ANKRD28: variants seen among roughly 807,000 people sequenced by gnomAD.
ANKRD28 encodes serine/threonine-protein phosphatase 6 regulatory ankyrin repeat subunit A.
A neutral mutation model predicts 126.5 loss-of-function variants in ANKRD28; 44 were observed. That is an observed-to-expected ratio of 0.35 (90% CI 0.27 to 0.45). ANKRD28 has a LOEUF of 0.45. Among genes scored for constraint, ANKRD28 ranks in the 20% least tolerant of loss-of-function variants. The probability of loss-of-function intolerance (pLI) is 1.00; values close to 1 mark genes in which losing one functional copy is unlikely to be tolerated. For synonymous variants in ANKRD28, 442 were observed against 468.5 expected (o/e 0.94, Z 0.73); for missense variants, 1,110 against 1,316.6 (o/e 0.84, Z 2.43).
intron 3 of ANKRD28, among the ~76,000 whole-genome samples, chr3:15,757,989 T>TA (rs1403118368): frequency 6.6e-6 from 1 of 152,214 alleles, no homozygotes; most frequent in East Asian, 1.9e-4. Flanking sequence ...CCAGAGTCTG[T>TA]ATGGCCTGTA....
In ANKRD28 at chr3:15,668,767, C is replaced by G. The variant is rs980765267; in HGVS notation, c.*1503G>C. On this transcript the variant is annotated 3_prime_UTR_variant, in exon 28 of 28. Coordinates refer to ENST00000683139, the MANE Select transcript of ANKRD28 (RefSeq NM_001349278.2). ...CAAAATTATCAAATAGATCAAAATACTGTTCTGTGTTTTCACACTTTATAT... is the reference window on the plus strand; with the variant it reads ...CAAAATTATCAAATAGATCAAAATAGTGTTCTGTGTTTTCACACTTTATAT... 1.3e-5 allele frequency: 2 copies of G among 152,582 alleles called. No homozygotes were observed. Among genetic ancestry groups the G allele is most frequent in the African/African-American group, 2.4e-5 (1 of 41,450 alleles). The allele number at this position is 152,582 out of a possible 1,614,324, so 9.5% of individuals were successfully genotyped here.
chr3:15,714,532 G>GAAAAAAAAAA, intron 9 of ANKRD28, 46 bp downstream of exon 9: 1 of 1,083,680 alleles, frequency 9.2e-7, no homozygotes, highest in Non-Finnish European at 1.2e-6. Context: ...CTACATTTAA[G>GAAAAAAAAAA]AAAAAAAAAA....
intron 2 of ANKRD28, among the ~76,000 whole-genome samples, chr3:15,789,353 AT>A (rs1455217461): frequency 6.6e-6 from 1 of 152,082 alleles, no homozygotes; most frequent in Non-Finnish European, 1.5e-5. Flanking sequence ...TTGCTGGTGA[AT>A]TAGTTTAGAG....
At chr3:15,696,763 A>G (rs1223879525) in intron 14 of ANKRD28, among the ~76,000 whole-genome samples, 1 of 152,204 alleles carries the variant, frequency 6.6e-6, no homozygotes, top group Non-Finnish European at 1.5e-5. Flanking sequence ...TAAACAGAGT[A>G]AAGTGGTAAG....
chr3:15,676,774 AT>A (rs953726525), intron 26 of ANKRD28, 199 bp downstream of exon 26: 167 of 430,354 alleles, frequency 3.9e-4, no homozygotes, highest in Middle Eastern at 1.3e-3. Flanking sequence ...TTATAATAAA[AT>A]TTCAGTTCAA....
At chr3:15,858,523 T>C (rs2061823086) in intron 1 of ANKRD28, among the ~76,000 whole-genome samples, 2 of 152,248 alleles carry the variant, frequency 1.3e-5, no homozygotes, top group South Asian at 4.1e-4. Flanking sequence ...AACATCCAAG[T>C]TATTTTCCCT....
intron 8 of ANKRD28, among the ~76,000 whole-genome samples, chr3:15,715,019 G>A (rs945647103): frequency 3.3e-5 from 5 of 152,042 alleles, no homozygotes; most frequent in South Asian, 2.1e-4. Flanking sequence ...AATTAACTTC[G>A]TGAATTTTGT....
At chr3:15,766,377 A>G (rs909023427) in intron 2 of ANKRD28, 65 bp from the exon 3 acceptor site, 1 of 1,203,390 alleles carries the variant, frequency 8.3e-7, no homozygotes, top group African/African-American at 1.5e-5. Flanking sequence ...AATAGTTTTA[A>G]TAACCACAAC....
At chr3:15,742,403 G>C (rs1485653147) in intron 4 of ANKRD28, among the ~76,000 whole-genome samples, 1 of 149,888 alleles carries the variant, frequency 6.7e-6, no homozygotes, top group African/African-American at 2.5e-5. Flanking sequence ...CGTCTGGGAT[G>C]TGAGAAGCGC....
chr3:15,818,668 T>C (rs2060882826), intron 1 of ANKRD28, among the ~76,000 whole-genome samples: 1 of 152,200 alleles, frequency 6.6e-6, no homozygotes, highest in South Asian at 2.1e-4. Flanking sequence ...GAAAGTGAGA[T>C]GAATGTGGTC....
At chr3:15,762,188 TAAAAAAAAAAAAAAAAAA>T (rs1163421626) in intron 3 of ANKRD28, among the ~76,000 whole-genome samples, 2 of 64,980 alleles carry the variant, frequency 3.1e-5, no homozygotes, top group African/African-American at 5.9e-5. Context: ...ACTATGTCTT[TAAAAAAAAAAAAAAAAAA>T]AAAAAAACAA....
intron 1 of ANKRD28, among the ~76,000 whole-genome samples, chr3:15,841,876 C>T (rs1407657242): frequency 6.6e-6 from 1 of 151,750 alleles, no homozygotes; most frequent in East Asian, 1.9e-4. Context: ...GGAGGTTCCT[C>T]AAAAAACTAA....
Position 15,814,125 on chromosome 3 carries a change from A to G in ANKRD28, c.28-18819T>C. 1 of 342,550 alleles carries G rather than the reference A, an allele frequency of 2.9e-6. No individual in the cohort carries two copies. Among genetic ancestry groups the G allele is most frequent in the Non-Finnish European group, 4.4e-6 (1 of 225,296 alleles). 21.2% of individuals were successfully genotyped at this position (342,550 alleles called of 1,614,324 possible). A position where few individuals can be genotyped will look rare whatever the true frequency, so the allele number is the denominator to read the frequency against. ...ACTTTTTGGCTGACACTAACTATTTACTCACATACAGTTATGTATGAAAGC... is the reference window on the plus strand; with the variant it reads ...ACTTTTTGGCTGACACTAACTATTTGCTCACATACAGTTATGTATGAAAGC... On this transcript the variant is annotated intron_variant, in intron 1 of 27. Transcript: ENST00000399451. The surrounding 1 kb of genome is among the most constrained non-coding windows in gnomAD (Gnocchi z 4.7).
Position 15,853,049 on chromosome 3 carries a change from G to A in ANKRD28, c.27+6328C>T, listed in dbSNP as rs2061686509. 6.6e-6 allele frequency among the ~76,000 whole-genome samples: 1 copy of A among 152,046 alleles called. No individual in the cohort carries two copies. Among genetic ancestry groups the A allele is most frequent in the Non-Finnish European group, 1.5e-5 (1 of 68,018 alleles). On this transcript the variant is annotated intron_variant, in intron 1 of 27. Transcript: ENST00000399451. The surrounding 1 kb of genome is among the most constrained non-coding windows in gnomAD (Gnocchi z 4.2). ...AATAGCATAACTAAGAATTGGGGAT[G>A]AGGGATGGGAATGGAAATTAAACCT...
intron 18 of ANKRD28, among the ~76,000 whole-genome samples, chr3:15,687,632 TCCACAGTATG>T (rs1422644485): frequency 2.0e-5 from 3 of 151,516 alleles, no homozygotes; most frequent in Non-Finnish European, 4.4e-5. Context: ...TGCTGAATAT[TCCACAGTATG>T]TTCCCACAGT....
chr3:15,677,521 C>T lies in ANKRD28; in HGVS notation c.2749G>A (p.Asp917Asn), dbSNP rs774748129. The T allele has an allele frequency of 6.2e-7, 1 of 1,613,088 alleles. No homozygotes were observed. Among genetic ancestry groups the T allele is most frequent in the South Asian group, 1.1e-5 (1 of 91,038 alleles). The change falls in exon 25 of 28, where the codon GAT (aspartate) becomes AAT (asparagine). Residue 917 changes from aspartate to asparagine, a missense_variant. Physicochemically the swap from Asp to Asn is conservative, Grantham distance 23. Coordinates refer to ENST00000683139, the MANE Select transcript of ANKRD28 (RefSeq NM_001349278.2). ...SSASAELTLQ[D>N]NSKNTALHLA... ...TGGAGGGCAGTATTTTTACTGTTATCTTGTAAAGTCAGTTCTGCACTAGCA... is the reference window on the plus strand; with the variant it reads ...TGGAGGGCAGTATTTTTACTGTTATTTTGTAAAGTCAGTTCTGCACTAGCA...
At chr3:15,715,945 T>C (rs1443762091) in intron 8 of ANKRD28, among the ~76,000 whole-genome samples, 2 of 151,998 alleles carry the variant, frequency 1.3e-5, no homozygotes. Flanking sequence ...AGATAGGATA[T>C]ATCCTAATTT....
At chr3:15,823,523 T>C (rs2060990041) in intron 1 of ANKRD28, among the ~76,000 whole-genome samples, 1 of 152,204 alleles carries the variant, frequency 6.6e-6, no homozygotes, top group South Asian at 2.1e-4. Context: ...GAGGGAGAAC[T>C]TGAATATTCT....
At position 15,839,809 on chromosome 3, in the gene ANKRD28, C is replaced by T. The variant is rs914252665; in HGVS notation, c.27+19568G>A. Among the ~76,000 whole-genome samples, 3 of 152,172 alleles carry T rather than the reference C, an allele frequency of 2.0e-5. No homozygotes were observed. Among genetic ancestry groups the T allele is most frequent in the African/African-American group, 7.2e-5 (3 of 41,450 alleles). ...AAATGAAGGACAAAAACCACATAGT[C>T]ATGTCAACTGATGCTGAAAAAGCAT... On this transcript the variant is annotated intron_variant, in intron 1 of 27. Coordinates refer to the ANKRD28 transcript ENST00000399451. This position sits in a 1 kb window ranked among gnomAD's most constrained non-coding sequence, Gnocchi z 4.3.
Sources: allele counts gnomAD v4.1 joint callset (sites outside exome capture counted in the v4.1 genomes callset), GRCh38; gene constraint gnomAD v4.1.1; non-coding constraint Gnocchi (gnomAD v3.1); transcripts MANE v1.5; gene names NCBI Gene and HGNC (gene_info 2026-07-23, HGNC 2026-07-21).